Variants in TULP4 observed in about 807,000 individuals in gnomAD.
TULP4 encodes the protein TUB like protein 4.
Under a neutral mutation model 129.0 loss-of-function variants are expected in TULP4, and 16 were observed. That is an observed-to-expected ratio of 0.12 (90% CI 0.08 to 0.19). The LOEUF (loss-of-function observed/expected upper bound fraction) is 0.19, where lower values mean the gene tolerates loss of function less well. TULP4 is among the 10% of genes least tolerant of loss of function. The pLI is 1.00. For missense variants in TULP4, 1,842 were observed against 2,059.1 expected (o/e 0.89, Z 2.04); for synonymous variants, 998 against 854.0 (o/e 1.17, Z -2.94).
Position 158,502,798 on chromosome 6 carries a change from C to T in TULP4, c.3135C>T (p.Pro1045=). 3.1e-6 allele frequency: 5 copies of T among 1,610,878 alleles called. No individual in the cohort carries two copies. Among genetic ancestry groups the T allele is most frequent in the Non-Finnish European group, 4.2e-6 (5 of 1,179,716 alleles). Reference sequence around the variant, plus strand: ...GCAGTCAGTGCAGTGGCACAGGGCCCAGCTCACAGCCCGGAGCCTCCCTGG... The same window carrying T: ...GCAGTCAGTGCAGTGGCACAGGGCCTAGCTCACAGCCCGGAGCCTCCCTGG... ...YTCSQCSGTG[P]SSQPGASLAH... is the part of the protein sequence containing the mutation. The change falls in exon 13 of 14, where the codon CCC becomes CCT. Residue 1045 remains proline, a synonymous_variant. Coordinates refer to ENST00000367097, the MANE Select transcript of TULP4 (RefSeq NM_020245.5).
intron 2 of TULP4, among the ~76,000 whole-genome samples, chr6:158,418,203 T>C (rs1368633931): frequency 1.3e-5 from 2 of 150,618 alleles, no homozygotes; most frequent in African/African-American, 2.4e-5. Flanking sequence ...ACCTCCCGGG[T>C]TGAAGCAATT....
rs1407350678 is a variant in TULP4, at chr6:158,416,764, C to T, written c.381+3571C>T. On this transcript the variant is annotated intron_variant, in intron 2 of 13. Coordinates refer to ENST00000367097, the MANE Select transcript of TULP4 (RefSeq NM_020245.5). Reference sequence around the variant, plus strand: ...CACTCTCCACTCACTCTCTGGCTCACCCAGAGCAACTTCTAGTCCTGCAAG... The same window carrying T: ...CACTCTCCACTCACTCTCTGGCTCATCCAGAGCAACTTCTAGTCCTGCAAG... Among the ~76,000 whole-genome samples the T allele has an allele frequency of 4.6e-5, 7 of 152,332 alleles. No individual in the cohort carries two copies. In the South Asian group the frequency reaches 1.2e-3, roughly 27 times the overall value.
At chr6:158,500,957 G>A (rs997197754) in intron 12 of TULP4, among the ~76,000 whole-genome samples, 9 of 152,262 alleles carry the variant, frequency 5.9e-5, no homozygotes, top group African/African-American at 1.9e-4. Flanking sequence ...CTACTGGGGA[G>A]GCTGAGGCAG....
rs1779894484 is a variant in TULP4, at chr6:158,331,755, ACG to A, written c.252+17488_252+17489del. ...TACGTATATATATACGTGTATATAC[ACG>A]TGTATATATACACGTATATATACAC... On this transcript the variant is annotated intron_variant, in intron 1 of 13. Coordinates refer to ENST00000367097, the MANE Select transcript of TULP4 (RefSeq NM_020245.5). Among the ~76,000 whole-genome samples, 3 of 31,562 alleles carry A rather than the reference ACG, an allele frequency of 9.5e-5. 1 individual carries two copies. Among genetic ancestry groups the A allele is most frequent in the Admixed American group, 1.0e-3 (2 of 1,930 alleles). 20.7% of individuals were successfully genotyped at this position (31,562 alleles called of 152,430 possible). A position where few individuals can be genotyped will look rare whatever the true frequency, so the allele number is the denominator to read the frequency against.
intron 1 of TULP4, among the ~76,000 whole-genome samples, chr6:158,254,045 AAAAAG>A (rs1283539928): frequency 6.6e-6 from 1 of 152,052 alleles, no homozygotes; most frequent in Non-Finnish European, 1.5e-5. Context: ...TCTCAAAAAA[AAAAAG>A]AAAACAGTGA....
chr6:158,379,610 A>G (rs1777277923), intron 1 of TULP4, among the ~76,000 whole-genome samples: 1 of 152,210 alleles, frequency 6.6e-6, no homozygotes, highest in African/African-American at 2.4e-5. Context: ...CGATAACCTC[A>G]ACAACTGTAT....
intron 1 of TULP4, among the ~76,000 whole-genome samples, chr6:158,368,165 CTT>C (rs1481514159): frequency 1.3e-5 from 2 of 150,166 alleles, no homozygotes; most frequent in East Asian, 3.9e-4. Context: ...TGTGATTCCT[CTT>C]GATTGGTTTG....
intron 1 of TULP4, among the ~76,000 whole-genome samples, chr6:158,332,452 G>C (rs1000107623): frequency 2.4e-4 from 37 of 151,996 alleles, no homozygotes; most frequent in African/African-American, 8.7e-4. Context: ...GTGCAGGCAA[G>C]GGAGGAGGCT....
chr6:158,307,728 G>A (rs957581219), upstream of TULP4, among the ~76,000 whole-genome samples: 8 of 152,042 alleles, frequency 5.3e-5, no homozygotes, highest in East Asian at 1.2e-3. Context: ...GGTGACCCCC[G>A]CCTTGGCCTC....
chr6:158,323,970 G>A (rs76708267), intron 1 of TULP4, among the ~76,000 whole-genome samples: 2,101 of 152,228 alleles, frequency 0.014, 20 homozygotes, highest in Non-Finnish European at 0.02. Context: ...TTAAAGTTCA[G>A]CTTCTAAGAA....
At chr6:158,383,902 G>A (rs1398814928) in intron 1 of TULP4, among the ~76,000 whole-genome samples, 3 of 152,240 alleles carry the variant, frequency 2.0e-5, no homozygotes, top group African/African-American at 7.2e-5. Context: ...TCCAGGAGTT[G>A]AATGTGGCTT....
intron 1 of TULP4, chr6:158,238,189 C>T (rs56207154): frequency 1.3e-6 from 1 of 798,540 alleles, no homozygotes; most frequent in Non-Finnish European, 2.2e-6. Flanking sequence ...GAGAAATTTT[C>T]AACTGTGCCA....
intron 1 of TULP4, among the ~76,000 whole-genome samples, chr6:158,371,191 A>G (rs754105255): frequency 3.9e-5 from 6 of 152,232 alleles, no homozygotes; most frequent in African/African-American, 7.2e-5. Flanking sequence ...TTCCCACTAG[A>G]CTTAAATGAG....
intron 1 of TULP4, among the ~76,000 whole-genome samples, chr6:158,270,541 C>A (rs1400898228): frequency 1.3e-5 from 2 of 152,194 alleles, no homozygotes; most frequent in Admixed American, 6.5e-5. Flanking sequence ...CACTAAGTGT[C>A]TCTGGTACCG....
At chr6:158,287,294 TCTC>T (rs1778849902) in intron 1 of TULP4, among the ~76,000 whole-genome samples, 2 of 152,298 alleles carry the variant, frequency 1.3e-5, no homozygotes, top group South Asian at 2.1e-4. Flanking sequence ...TAAAAAGACT[TCTC>T]CTGTAGTTTA....
intron 1 of TULP4, among the ~76,000 whole-genome samples, chr6:158,347,613 C>G (rs1159451828): frequency 6.6e-6 from 1 of 152,230 alleles, no homozygotes; most frequent in African/African-American, 2.4e-5. Flanking sequence ...GACTTCATCT[C>G]CTGCCATCTC....
chr6:158,501,083 A>C (rs1261256472), intron 12 of TULP4, among the ~76,000 whole-genome samples: 1 of 152,234 alleles, frequency 6.6e-6, no homozygotes, highest in Non-Finnish European at 1.5e-5. Context: ...TTAAAAAAAA[A>C]AAAATTAGGA....
At chr6:158,386,533 T>C (rs1419175288) in intron 1 of TULP4, among the ~76,000 whole-genome samples, 1 of 152,208 alleles carries the variant, frequency 6.6e-6, no homozygotes, top group Non-Finnish European at 1.5e-5. Context: ...TTTTACTCCT[T>C]ACTATATATC....
chr6:158,373,194 A>G (rs1004098393), intron 1 of TULP4, among the ~76,000 whole-genome samples: 1 of 152,214 alleles, frequency 6.6e-6, no homozygotes, highest in African/African-American at 2.4e-5. Context: ...AACAACAATA[A>G]TAGCTTATGC....
Sources: gnomAD v4.1 joint callset for allele counts (sites outside exome capture counted in the v4.1 genomes callset) on GRCh38, gnomAD v4.1.1 for gene constraint, MANE v1.5 for transcripts, NCBI Gene and HGNC (gene_info 2026-07-23, HGNC 2026-07-21) for gene names.